Variants in BACH2 observed in about 807,000 individuals in gnomAD.
The protein encoded by BACH2 is BACH transcriptional regulator 2, also known as transcription regulator protein BACH2.
A neutral mutation model predicts 61.8 loss-of-function variants in BACH2; 5 were observed. That is an observed-to-expected ratio of 0.08 (90% CI 0.04 to 0.17). The LOEUF (loss-of-function observed/expected upper bound fraction) is 0.17, where lower values mean the gene tolerates loss of function less well. Ranked by LOEUF, BACH2 falls within the 10% of genes least tolerant of loss-of-function variation. The pLI is 1.00. For synonymous variants in BACH2, 446 were observed against 440.1 expected (o/e 1.01, Z -0.17); for missense variants, 824 against 1,091.1 (o/e 0.76, Z 3.45).
At chr6:90,065,300 A>G (rs1312734160) in intron 5 of BACH2, among the ~76,000 whole-genome samples, 91 of 20,528 alleles carry the variant, frequency 4.4e-3, no homozygotes, top group Non-Finnish European at 8.4e-3. Flanking sequence ...TTTTTTTTTT[A>G]CCCCTGAGGG....
chr6:90,204,399 C>A (rs534299893), intron 4 of BACH2, among the ~76,000 whole-genome samples: 1 of 152,234 alleles, frequency 6.6e-6, no homozygotes, highest in South Asian at 2.1e-4. Context: ...CAGAGAGTGA[C>A]CTATTCTTTG....
chr6:90,031,534 A>T, intron 5 of BACH2, among the ~76,000 whole-genome samples: 1 of 152,188 alleles, frequency 6.6e-6, no homozygotes, highest in African/African-American at 2.4e-5. Flanking sequence ...ATGTGCAAAA[A>T]TCATGAGCAT....
At chr6:90,211,941 G>A (rs1056063608) in intron 3 of BACH2, among the ~76,000 whole-genome samples, 4 of 152,218 alleles carry the variant, frequency 2.6e-5, no homozygotes, top group African/African-American at 9.6e-5. Flanking sequence ...AGCAGCTTAG[G>A]CAGAGGGCTG....
rs1286743387 is a variant in BACH2, at chr6:89,938,161, A to C, written c.2026T>G (p.Cys676Gly). 1 of 1,612,974 alleles carries C rather than the reference A, an allele frequency of 6.2e-7. No homozygotes were observed. Among genetic ancestry groups the C allele is most frequent in the East Asian group, 2.2e-5 (1 of 44,830 alleles). Residue 676 changes from cysteine to glycine, a missense_variant, in exon 8 of 9, where the codon TGT becomes GGT. Transcript: ENST00000257749. The part of the protein sequence containing the change: ...RKLDCIQNLE[C>G]EIRKLVCEKE... ...CAACTCACCAATTTGCGGATTTCAC[A>C]TTCTAAATTCTGAATACAGTCCAGT...
At chr6:90,181,434 T>C (rs995000507) in intron 4 of BACH2, among the ~76,000 whole-genome samples, 2 of 150,224 alleles carry the variant, frequency 1.3e-5, no homozygotes, top group Non-Finnish European at 3.0e-5. Flanking sequence ...AGGAGGAGAG[T>C]GATCCAGACA....
chr6:90,116,024 G>T (rs1326017439), intron 4 of BACH2, among the ~76,000 whole-genome samples: 1 of 152,144 alleles, frequency 6.6e-6, no homozygotes, highest in Non-Finnish European at 1.5e-5. Flanking sequence ...TGGCAAAGTT[G>T]CAGAGAAAAG....
chr6:90,215,985 A>G (rs1769522129), intron 3 of BACH2, among the ~76,000 whole-genome samples: 6 of 152,214 alleles, frequency 3.9e-5, no homozygotes, highest in Admixed American at 3.9e-4. Flanking sequence ...TCCATAATTT[A>G]GAACTGGATG....
At chr6:90,035,850 C>A (rs145477314) in intron 5 of BACH2, among the ~76,000 whole-genome samples, 2 of 151,900 alleles carry the variant, frequency 1.3e-5, no homozygotes, top group African/African-American at 4.8e-5. Context: ...CATTTAGTAA[C>A]AATAACAGAA....
chr6:90,263,233 A>T (rs901638075), intron 2 of BACH2, among the ~76,000 whole-genome samples: 6 of 152,154 alleles, frequency 3.9e-5, no homozygotes, highest in African/African-American at 9.7e-5. Flanking sequence ...TTTCATGAAA[A>T]ATCATGGGTC....
intron 4 of BACH2, among the ~76,000 whole-genome samples, chr6:90,127,783 C>T (rs755537504): frequency 5.8e-4 from 88 of 152,248 alleles, no homozygotes; most frequent in African/African-American, 1.8e-3. Context: ...GAGGCTCTTG[C>T]GTTTGAACAG....
chr6:90,070,333 C>T (rs1463002066), intron 5 of BACH2, among the ~76,000 whole-genome samples: 1 of 152,162 alleles, frequency 6.6e-6, no homozygotes, highest in African/African-American at 2.4e-5. Flanking sequence ...AGCAAGAGAC[C>T]AGGAAGCACA....
chr6:90,161,897 G>C (rs1388948165), intron 4 of BACH2, among the ~76,000 whole-genome samples: 1 of 152,152 alleles, frequency 6.6e-6, no homozygotes, highest in Admixed American at 6.5e-5. Context: ...GTCTGAAAAT[G>C]TGTACTAAAA....
At chr6:90,019,462 CCTAA>C (rs1416216323) in intron 5 of BACH2, among the ~76,000 whole-genome samples, 5 of 152,142 alleles carry the variant, frequency 3.3e-5, no homozygotes, top group Non-Finnish European at 7.4e-5. Context: ...GGACAAACTG[CCTAA>C]CTGTTTAGGG....
intron 5 of BACH2, among the ~76,000 whole-genome samples, chr6:90,037,290 A>G (rs562231758): frequency 6.6e-6 from 1 of 152,246 alleles, no homozygotes; most frequent in African/African-American, 2.4e-5. Context: ...GAGGCTTTTT[A>G]AAAAAGCCCA....
chr6:90,129,933 G>T (rs543699199), intron 4 of BACH2, among the ~76,000 whole-genome samples: 1 of 151,994 alleles, frequency 6.6e-6, no homozygotes, highest in Non-Finnish European at 1.5e-5. Context: ...GCAGTGGCGC[G>T]ATCTCAGCTC....
rs185391762 is a variant in BACH2 at position 90,258,409 on chromosome 6, T to C, written c.-352-5819A>G. Among the ~76,000 whole-genome samples the C allele has an allele frequency of 4.5e-4, 69 of 152,312 alleles. 1 individual carries two copies. In the East Asian group the frequency reaches 0.013, roughly 29 times the overall value. ...TTTATTTCTGGACTCTCTATTCTGTTCCACTGGTCTATGTGTCTGTTTTTA... is the reference window on the plus strand; with the variant it reads ...TTTATTTCTGGACTCTCTATTCTGTCCCACTGGTCTATGTGTCTGTTTTTA... On this transcript the variant is annotated intron_variant, in intron 2 of 8. Coordinates refer to ENST00000257749, the MANE Select transcript of BACH2 (RefSeq NM_021813.4).
At chr6:90,236,870 C>T (rs2127862609) in intron 3 of BACH2, among the ~76,000 whole-genome samples, 1 of 152,256 alleles carries the variant, frequency 6.6e-6, no homozygotes, top group East Asian at 1.9e-4. Flanking sequence ...TATACTATGT[C>T]CATGATTCCA....
chr6:90,034,664 T>C (rs1779176581), intron 5 of BACH2, among the ~76,000 whole-genome samples: 1 of 152,172 alleles, frequency 6.6e-6, no homozygotes, highest in Admixed American at 6.5e-5. Flanking sequence ...CTGATTTCTA[T>C]AATTACAGAT....
chr6:90,043,028 G>A (rs911537323), intron 5 of BACH2, among the ~76,000 whole-genome samples: 6 of 152,120 alleles, frequency 3.9e-5, no homozygotes, highest in Non-Finnish European at 7.4e-5. Context: ...CTGGATGTGG[G>A]GTGAGAGAGA....
Sources: gnomAD v4.1 joint callset for allele counts (sites outside exome capture counted in the v4.1 genomes callset) on GRCh38, gnomAD v4.1.1 for gene constraint, MANE v1.5 for transcripts, NCBI Gene and HGNC (gene_info 2026-07-23, HGNC 2026-07-21) for gene names.